Variants in SLC26A7 observed in about 807,000 individuals in gnomAD.
The protein encoded by SLC26A7 is solute carrier family 26 member 7, also known as anion exchange transporter.
In SLC26A7, 59 loss-of-function variants were observed where a neutral mutation model predicts 82.5. The observed-to-expected ratio is 0.72, with a 90% CI of 0.58 to 0.89. The LOEUF (loss-of-function observed/expected upper bound fraction) is 0.89. SLC26A7 is among the 40% of genes least tolerant of loss of function. SLC26A7 has a pLI of 0.00. For synonymous variants in SLC26A7, 271 were observed against 274.3 expected, an observed-to-expected ratio of 0.99 and a Z score of 0.12; for missense variants, 820 against 793.0, an observed-to-expected ratio of 1.03 and a Z score of -0.41.
At chr8:91,350,928 GAATTCC>G (rs1200097958) in intron 9 of SLC26A7, among the ~76,000 whole-genome samples, 1 of 152,102 alleles carries the variant, frequency 6.6e-6, no homozygotes, top group Non-Finnish European at 1.5e-5. Context: ...CAATGCCTGA[GAATTCC>G]AGTTGTGCTG....
chr8:91,324,070 G>A (rs1812870144), intron 5 of SLC26A7, among the ~76,000 whole-genome samples: 1 of 151,948 alleles, frequency 6.6e-6, no homozygotes, highest in Admixed American at 6.6e-5. Context: ...CATGTGATCT[G>A]CCCACCTTGG....
chr8:91,394,070 A>G lies in SLC26A7; in HGVS notation c.1935+31A>G, dbSNP rs774212917. 3.1e-6 allele frequency: 5 copies of G among 1,600,082 alleles called. No homozygotes were observed. In the South Asian group the frequency reaches 3.3e-5, roughly 11 times the overall value. ...TTGATTAAGTTGGGCTGAAGGAGTT[A>G]TAAGAATATTCAGAATATAGAATCG... On this transcript the variant is annotated intron_variant, in intron 18 of 18. Transcript: ENST00000276609.
intron 2 of SLC26A7, among the ~76,000 whole-genome samples, chr8:91,255,488 C>T (rs1402442502): frequency 6.6e-6 from 1 of 152,126 alleles, no homozygotes; most frequent in African/African-American, 2.4e-5. Context: ...GCATTAGCCA[C>T]GTATCTCTAA....
intron 4 of SLC26A7, among the ~76,000 whole-genome samples, chr8:91,299,761 A>C (rs1014815175): frequency 1.3e-5 from 2 of 152,156 alleles, no homozygotes; most frequent in African/African-American, 4.8e-5. Context: ...ATTCTTGGCT[A>C]TTCTTGCATG....
intron 3 of SLC26A7, among the ~76,000 whole-genome samples, chr8:91,290,636 T>G (rs577112301): frequency 2.6e-5 from 4 of 152,338 alleles, no homozygotes; most frequent in African/African-American, 4.8e-5. Context: ...CAGGCTGCTC[T>G]TCTTATTTTA....
chr8:91,237,950 C>T (rs1810414590), intron 2 of SLC26A7, among the ~76,000 whole-genome samples: 1 of 152,086 alleles, frequency 6.6e-6, no homozygotes. Flanking sequence ...TAATCATCAC[C>T]TTATTGTGGT....
At chr8:91,214,483 C>T (rs1302184225) in intron 1 of SLC26A7, among the ~76,000 whole-genome samples, 1 of 152,080 alleles carries the variant, frequency 6.6e-6, no homozygotes, top group African/African-American at 2.4e-5. Context: ...AATAGAAACC[C>T]TCATTAATGA....
At chr8:91,343,777 G>T (rs907887359) in intron 9 of SLC26A7, among the ~76,000 whole-genome samples, 6 of 152,078 alleles carry the variant, frequency 3.9e-5, no homozygotes, top group Non-Finnish European at 8.8e-5. Context: ...TGGTCAACAT[G>T]ACGTTTTCCC....
At chr8:91,390,112 T>C (rs1814915931) in intron 16 of SLC26A7, among the ~76,000 whole-genome samples, 1 of 125,538 alleles carries the variant, frequency 8.0e-6, no homozygotes, top group South Asian at 2.3e-4. Flanking sequence ...CCACCCGCCT[T>C]TTTTTTTTTT....
rs1809890358 is a variant in SLC26A7, at chr8:91,210,530, C to T, written c.-150+988C>T. Among the ~76,000 whole-genome samples the T allele has an allele frequency of 2.0e-5, 3 of 147,948 alleles. No individual in the cohort carries two copies. The South Asian group carries it at 6.6e-4, about 32-fold the overall frequency. ...AGGTCAGATAGATAGAACTTTCTTA[C>T]AGGATTTTAAACACAGACACACACA... On this transcript the variant is annotated intron_variant, in intron 1 of 5. Transcript: ENST00000522862.
At chr8:91,371,420 G>A (rs779876911) in intron 15 of SLC26A7, among the ~76,000 whole-genome samples, 15 of 151,642 alleles carry the variant, frequency 9.9e-5, no homozygotes, top group Non-Finnish European at 1.8e-4. Flanking sequence ...AGTTCCCAGT[G>A]TCTATTATTT....
chr8:91,300,543 G>A (rs1219164028), intron 4 of SLC26A7, among the ~76,000 whole-genome samples: 3 of 151,018 alleles, frequency 2.0e-5, no homozygotes, highest in Admixed American at 1.3e-4. Flanking sequence ...GACTACAGGC[G>A]CCCGCCACTA....
intron 5 of SLC26A7, among the ~76,000 whole-genome samples, chr8:91,327,384 A>C (rs761747099): frequency 1.3e-5 from 2 of 152,318 alleles, no homozygotes; most frequent in South Asian, 4.1e-4. Context: ...ATTATTAATA[A>C]ATTTTATTCA....
chr8:91,271,720 G>A (rs1026795428), intron 2 of SLC26A7, among the ~76,000 whole-genome samples: 11 of 148,778 alleles, frequency 7.4e-5, no homozygotes, highest in Admixed American at 6.8e-4. Context: ...TCAGCCTCCC[G>A]AGTAGCTGGG....
At chr8:91,223,365 T>C in intron 2 of SLC26A7, among the ~76,000 whole-genome samples, 1 of 152,204 alleles carries the variant, frequency 6.6e-6, no homozygotes, top group African/African-American at 2.4e-5. Flanking sequence ...TTTCTTGTCT[T>C]ATGCTAGCTT....
chr8:91,360,504 T>G (rs1275889717), intron 11 of SLC26A7, among the ~76,000 whole-genome samples: 1 of 152,230 alleles, frequency 6.6e-6, no homozygotes, highest in Non-Finnish European at 1.5e-5. Context: ...TCTATGTTAT[T>G]AATTTCCATT....
chr8:91,298,157 T>A (rs1405551275), intron 4 of SLC26A7, among the ~76,000 whole-genome samples: 1 of 152,168 alleles, frequency 6.6e-6, no homozygotes, highest in Non-Finnish European at 1.5e-5. Flanking sequence ...TATTACATAA[T>A]AAGGGCTCCA....
intron 4 of SLC26A7, among the ~76,000 whole-genome samples, chr8:91,312,772 G>T (rs182104523): frequency 8.5e-5 from 13 of 152,078 alleles, no homozygotes; most frequent in African/African-American, 3.1e-4. Flanking sequence ...GTTTTCATGT[G>T]CTTATTGGAC....
intron 2 of SLC26A7, among the ~76,000 whole-genome samples, chr8:91,252,334 T>A (rs1017456156): frequency 6.6e-6 from 1 of 152,122 alleles, no homozygotes; most frequent in Non-Finnish European, 1.5e-5. Context: ...TTTCTATATG[T>A]CAAATAGCAA....
Sources: gnomAD v4.1 joint callset for allele counts (sites outside exome capture counted in the v4.1 genomes callset) on GRCh38, gnomAD v4.1.1 for gene constraint, MANE v1.5 for transcripts, NCBI Gene and HGNC (gene_info 2026-07-23, HGNC 2026-07-21) for gene names.